Variants in CDH4 observed in about 807,000 individuals in gnomAD.
CDH4 encodes the protein cadherin 4.
In CDH4, 33 loss-of-function variants were observed where a neutral mutation model predicts 86.0. That is an observed-to-expected ratio of 0.38 (90% CI 0.29 to 0.51). CDH4 has a LOEUF of 0.51. Ranked by LOEUF, CDH4 falls within the 20% of genes least tolerant of loss-of-function variation. The probability of loss-of-function intolerance (pLI) is 0.86; values close to 1 mark genes in which losing one functional copy is unlikely to be tolerated. For missense variants in CDH4, 1,114 were observed against 1,307.4 expected (o/e 0.85, Z 2.28); for synonymous variants, 555 against 549.4 (o/e 1.01, Z -0.14).
intron 8 of CDH4, among the ~76,000 whole-genome samples, chr20:61,903,800 G>A (rs546795071): frequency 5.9e-5 from 9 of 152,194 alleles, no homozygotes; most frequent in African/African-American, 1.4e-4. Flanking sequence ...CCTCAGTTTC[G>A]TTACCTGCAA....
intron 2 of CDH4, among the ~76,000 whole-genome samples, chr20:61,433,921 T>G (rs530986199): frequency 2.6e-5 from 4 of 152,326 alleles, no homozygotes; most frequent in Admixed American, 2.6e-4. Context: ...GCTTGTGGAT[T>G]GAAGTCTAAA....
rs1568882310 is a variant in CDH4 at position 61,910,490 on chromosome 20, T to C, written c.1257T>C (p.Asp419=). 1 of 1,613,934 alleles carries C rather than the reference T, an allele frequency of 6.2e-7. No homozygotes were observed. The highest frequency in any genetic ancestry group is 8.5e-7 in the Non-Finnish European group (1 of 1,180,020). Residue 419 remains aspartate, a synonymous_variant, in exon 9 of 16, where the codon GAT becomes GAC. Coordinates refer to ENST00000614565, the MANE Select transcript of CDH4 (RefSeq NM_001794.5). ...VVANLTVMDR[D]QPHSPNWNAV... ...CAAACCTCACGGTGATGGACCGAGA[T>C]CAGCCCCACTCTCCAAACTGGAATG...
At chr20:61,522,770 GC>G (rs2085880647) in intron 2 of CDH4, among the ~76,000 whole-genome samples, 1 of 152,208 alleles carries the variant, frequency 6.6e-6, no homozygotes, top group African/African-American at 2.4e-5. Flanking sequence ...TTAATTGACG[GC>G]CCGGTGCCGG....
At chr20:61,661,095 G>GGGGGGGGGGA (rs2087251783) in intron 2 of CDH4, among the ~76,000 whole-genome samples, 1 of 139,190 alleles carries the variant, frequency 7.2e-6, no homozygotes, top group Non-Finnish European at 1.6e-5. Context: ...GGGGGGGGGG[G>GGGGGGGGGGA]AGACACAGTG....
chr20:61,586,296 C>G (rs538537361), intron 2 of CDH4, among the ~76,000 whole-genome samples: 2,021 of 152,082 alleles, frequency 0.013, 23 homozygotes, highest in African/African-American at 0.031. Flanking sequence ...ATAGGGATGG[C>G]AGTGACAATA....
chr20:61,353,695 C>CT (rs1406809612), intron 2 of CDH4, among the ~76,000 whole-genome samples: 11 of 60,630 alleles, frequency 1.8e-4, no homozygotes, highest in Non-Finnish European at 3.1e-4. Context: ...CCTCCTCCTC[C>CT]CCTCCTCCTC....
At chr20:61,700,667 G>A (rs528523050) in intron 2 of CDH4, among the ~76,000 whole-genome samples, 4 of 151,336 alleles carry the variant, frequency 2.6e-5, no homozygotes, top group Admixed American at 1.3e-4. Context: ...GGGGCCACAC[G>A]TCACCCCATA....
At chr20:61,307,504 GGT>G (rs2084423775) in intron 2 of CDH4, among the ~76,000 whole-genome samples, 4 of 152,208 alleles carry the variant, frequency 2.6e-5, no homozygotes, top group Admixed American at 6.5e-5. Context: ...TCTGCCTAGG[GGT>G]GTGTTTTTCA....
In CDH4 at chr20:61,417,739, G is replaced by T. The variant is rs1460670304; in HGVS notation, c.169+162802G>T. ...TGGAGACAGGTGCACATGGCGGGAA[G>T]TGGGCACAGGAGCCTTGACCTGACA... On this transcript the variant is annotated intron_variant, in intron 2 of 15. Transcript: ENST00000614565. The surrounding 1 kb of genome is among the most constrained non-coding windows in gnomAD (Gnocchi z 4.0). 6.6e-6 allele frequency among the ~76,000 whole-genome samples: 1 copy of T among 152,190 alleles called. No homozygotes were observed. Among genetic ancestry groups the T allele is most frequent in the African/African-American group, 2.4e-5 (1 of 41,444 alleles).
chr20:61,695,260 G>A (rs1476286109), intron 2 of CDH4, among the ~76,000 whole-genome samples: 1 of 152,260 alleles, frequency 6.6e-6, no homozygotes, highest in African/African-American at 2.4e-5. Context: ...TCTGCCGGAG[G>A]TTACAGGCCA....
intron 2 of CDH4, among the ~76,000 whole-genome samples, chr20:61,695,625 G>A (rs2087707357): frequency 6.6e-6 from 1 of 152,194 alleles, no homozygotes; most frequent in Non-Finnish European, 1.5e-5. Context: ...GGGGACAACA[G>A]GAGAGAGCAG....
At position 61,866,158 on chromosome 20, in the gene CDH4, C is replaced by T. The variant is rs148855441; in HGVS notation, c.878-7570C>T. Among the ~76,000 whole-genome samples, 132 of 152,204 alleles carry T rather than the reference C, an allele frequency of 8.7e-4. 2 individuals are homozygous for T. In the Middle Eastern group the frequency reaches 0.024, roughly 27 times the overall value. ...TTGCCCAGAGGACCCTCGGTGCCAC[C>T]CCCTGGCATGGGGGATTTTGTTTAT... On this transcript the variant is annotated intron_variant, in intron 6 of 15. Coordinates refer to ENST00000614565, the MANE Select transcript of CDH4 (RefSeq NM_001794.5).
chr20:61,486,725 T>TAA (rs11204428), intron 2 of CDH4, among the ~76,000 whole-genome samples: 80 of 150,200 alleles, frequency 5.3e-4, no homozygotes, highest in Non-Finnish European at 1.3e-4. Flanking sequence ...CCTCACCTCT[T>TAA]AAAAAAAAAA....
chr20:61,575,485 C>A (rs1052094360), intron 2 of CDH4, among the ~76,000 whole-genome samples: 1 of 152,182 alleles, frequency 6.6e-6, no homozygotes, highest in Non-Finnish European at 1.5e-5. Flanking sequence ...CAGACCTGTA[C>A]TCGTGGAGTT....
intron 2 of CDH4, among the ~76,000 whole-genome samples, chr20:61,463,412 G>A (rs1042000707): frequency 6.6e-6 from 1 of 152,198 alleles, no homozygotes; most frequent in African/African-American, 2.4e-5. Context: ...AGTGAGGTGA[G>A]GCCCCATGTA....
At chr20:61,548,745 T>C (rs1600748792) in intron 2 of CDH4, among the ~76,000 whole-genome samples, 1 of 152,096 alleles carries the variant, frequency 6.6e-6, no homozygotes, top group Non-Finnish European at 1.5e-5. Flanking sequence ...TAAAGAACAG[T>C]TAACAGGTAC....
At chr20:61,523,758 C>A (rs1200171805) in intron 2 of CDH4, among the ~76,000 whole-genome samples, 1 of 152,228 alleles carries the variant, frequency 6.6e-6, no homozygotes, top group African/African-American at 2.4e-5. Context: ...AGTGTGGATA[C>A]CTTTGCATTC....
At chr20:61,266,284 C>G (rs984599977) in intron 2 of CDH4, among the ~76,000 whole-genome samples, 1 of 151,952 alleles carries the variant, frequency 6.6e-6, no homozygotes, top group Non-Finnish European at 1.5e-5. Flanking sequence ...TTTCCAGCCC[C>G]AGAGTGTGGG....
At chr20:61,411,889 C>T (rs550473565) in intron 2 of CDH4, among the ~76,000 whole-genome samples, 1 of 152,342 alleles carries the variant, frequency 6.6e-6, no homozygotes, top group South Asian at 2.1e-4. Flanking sequence ...GTATCCACTC[C>T]TTAGCATGGC....
Sources: allele counts gnomAD v4.1 joint callset (sites outside exome capture counted in the v4.1 genomes callset), GRCh38; gene constraint gnomAD v4.1.1; non-coding constraint Gnocchi (gnomAD v3.1); transcripts MANE v1.5; gene names NCBI Gene and HGNC (gene_info 2026-07-23, HGNC 2026-07-21).